AP2B1: variants seen among roughly 807,000 people sequenced by gnomAD.
AP2B1 encodes AP-2 complex subunit beta.
In AP2B1, 23 loss-of-function variants were observed where a neutral mutation model predicts 102.0. The observed-to-expected ratio is 0.23, with a 90% CI of 0.16 to 0.32. The LOEUF is 0.32. Ranked by LOEUF, AP2B1 falls within the 10% of genes least tolerant of loss-of-function variation. AP2B1 has a pLI of 1.00. For missense variants in AP2B1, 541 were observed against 1,157.4 expected, an observed-to-expected ratio of 0.47 and a Z score of 7.73; for synonymous variants, 381 against 421.2, an observed-to-expected ratio of 0.90 and a Z score of 1.17.
chr17:35,694,435 A>ATTTTTTTTTTTTT (rs2076101194), intron 18 of AP2B1, among the ~76,000 whole-genome samples: 6 of 80,002 alleles, frequency 7.5e-5, no homozygotes, highest in African/African-American at 1.3e-4. Context: ...TAATTTTTTA[A>ATTTTTTTTTTTTT]TTTTTTGTAG....
intron 9 of AP2B1, among the ~76,000 whole-genome samples, chr17:35,632,118 ATTTTG>A (rs2074479198): frequency 6.8e-6 from 1 of 146,176 alleles, no homozygotes; most frequent in Non-Finnish European, 1.5e-5. Context: ...TATGGCAATG[ATTTTG>A]TTTTATTTGT....
chr17:35,607,433 C>A (rs1220262152), intron 4 of AP2B1, among the ~76,000 whole-genome samples: 2 of 152,186 alleles, frequency 1.3e-5, no homozygotes, highest in Non-Finnish European at 2.9e-5. Context: ...GGGAATATAT[C>A]ATTGGGAAGA....
intron 18 of AP2B1, among the ~76,000 whole-genome samples, chr17:35,703,372 A>C (rs2076277820): frequency 2.0e-5 from 3 of 152,080 alleles, no homozygotes. Context: ...ATAAAGACAC[A>C]TGCACACCTA....
intron 21 of AP2B1, among the ~76,000 whole-genome samples, chr17:35,718,114 A>C (rs2085233436): frequency 6.6e-6 from 1 of 152,202 alleles, no homozygotes; most frequent in Admixed American, 6.5e-5. Context: ...GGATCTATTT[A>C]TTTCTGAGGA....
intron 14 of AP2B1, chr17:35,659,688 A>C (rs1326694962): frequency 2.0e-6 from 1 of 492,710 alleles, no homozygotes; most frequent in Admixed American, 6.4e-5. Flanking sequence ...AGATAGGCCC[A>C]GTTATGTTTT....
intron 21 of AP2B1, 137 bp from the exon 22 acceptor site, chr17:35,723,488 T>C: frequency 1.6e-6 from 1 of 619,998 alleles, no homozygotes; most frequent in Admixed American, 2.7e-5. Context: ...ATTAACATAA[T>C]CTCTTTGTTT....
intron 18 of AP2B1, among the ~76,000 whole-genome samples, chr17:35,698,156 G>A (rs1257761823): frequency 3.9e-5 from 6 of 152,158 alleles, no homozygotes; most frequent in Non-Finnish European, 1.5e-5. Context: ...GTTTACTTTG[G>A]TGGGAAATCG....
intron 16 of AP2B1, among the ~76,000 whole-genome samples, chr17:35,673,905 G>T (rs1210799535): frequency 6.6e-6 from 1 of 152,202 alleles, no homozygotes; most frequent in Non-Finnish European, 1.5e-5. Context: ...AGGTAGAGCA[G>T]AAGCCAGGGT....
chr17:35,654,759 T>G (rs2075175265), intron 13 of AP2B1, among the ~76,000 whole-genome samples: 1 of 152,152 alleles, frequency 6.6e-6, no homozygotes, highest in African/African-American at 2.4e-5. Context: ...TCCTTAAATG[T>G]TTGGAGGAAT....
chr17:35,660,051 C>G, intron 14 of AP2B1: 2 of 985,308 alleles, frequency 2.0e-6, no homozygotes, highest in Non-Finnish European at 2.4e-6. Context: ...TCCTCAAAGC[C>G]ATTTTTTGAA....
Position 35,690,250 on chromosome 17 carries a change from T to G in AP2B1, c.2454+7426T>G, listed in dbSNP as rs114813818. ...GTTAAACTAATCCAGAGCATTTTCATTTCAGATATTGTACTTTTTAATTCT... is the reference window on the plus strand; with the variant it reads ...GTTAAACTAATCCAGAGCATTTTCAGTTCAGATATTGTACTTTTTAATTCT... On this transcript the variant is annotated intron_variant, in intron 18 of 21. Transcript: ENST00000610402. Among the ~76,000 whole-genome samples, 710 of 152,346 alleles carry G rather than the reference T, an allele frequency of 4.7e-3. 1 individual carries two copies. Among genetic ancestry groups the G allele is most frequent in the African/African-American group, 0.016 (673 of 41,570 alleles).
rs2075850904 is a variant in AP2B1 at position 35,682,731 on chromosome 17, T to C, written c.2361T>C (p.His787=). ...GVIPSTPLAI[H]TPLMPNQSID... ...TCCCCAGCACTCCTCTGGCCATCCA[T>C]ACACCACTGATGCCAAACCAGAGCA... The change falls in exon 18 of 22, where the codon CAT becomes CAC. Residue 787 remains histidine, a synonymous_variant. Transcript: ENST00000610402. The C allele has an allele frequency of 1.2e-6, 2 of 1,612,664 alleles. No homozygotes were observed. Among genetic ancestry groups the C allele is most frequent in the Non-Finnish European group, 1.7e-6 (2 of 1,179,018 alleles).
chr17:35,684,485 A>G (rs2075890004), intron 18 of AP2B1, among the ~76,000 whole-genome samples: 1 of 152,200 alleles, frequency 6.6e-6, no homozygotes. Context: ...AAATACCAGC[A>G]CAGCAGGCCT....
chr17:35,675,920 T>A (rs1018732939), intron 17 of AP2B1, among the ~76,000 whole-genome samples: 18 of 152,228 alleles, frequency 1.2e-4, no homozygotes, highest in African/African-American at 4.3e-4. Context: ...ACTGTTTACT[T>A]TGTCTGAACA....
At position 35,710,309 on chromosome 17, in the gene AP2B1, A is replaced by G. The variant is rs1555586892; in HGVS notation, c.2615A>G (p.His872Arg). 3 of 1,605,628 alleles carry G rather than the reference A, an allele frequency of 1.9e-6. No homozygotes were observed. Among genetic ancestry groups the G allele is most frequent in the Admixed American group, 3.3e-5 (2 of 59,994 alleles). The change falls in exon 20 of 22, where the codon CAT (histidine) becomes CGT (arginine). Residue 872 changes from histidine (H) to arginine (R), a missense_variant. By Grantham distance (29) the His-to-Arg change is conservative. Coordinates refer to ENST00000610402, the MANE Select transcript of AP2B1 (RefSeq NM_001030006.2). ...CTTCAGTTTCAGATTAAGGAATGTC[A>G]TTTAAATGCTGGTGAGTAATATACT... ...NELQFQIKEC[H>R]LNADTVSSKL...
intron 1 of AP2B1, among the ~76,000 whole-genome samples, chr17:35,591,171 CAAAAAAAAAAAA>C (rs35271211): frequency 1.5e-5 from 1 of 68,936 alleles, no homozygotes; most frequent in Non-Finnish European, 3.0e-5. Context: ...GATTTTGTCT[CAAAAAAAAAAAA>C]AAAAAAAAAA....
intron 1 of AP2B1, among the ~76,000 whole-genome samples, chr17:35,589,050 T>C (rs534968546): frequency 1.1e-4 from 17 of 152,208 alleles, no homozygotes; most frequent in Non-Finnish European, 2.2e-4. Context: ...TTTAATGTTA[T>C]TTTGGTTAAG....
chr17:35,647,116 A>C (rs922192991), intron 12 of AP2B1, among the ~76,000 whole-genome samples: 1 of 152,200 alleles, frequency 6.6e-6, no homozygotes, highest in African/African-American at 2.4e-5. Context: ...TTATGTAATA[A>C]AAACCATACT....
chr17:35,711,641 T>C (rs182889257), intron 20 of AP2B1, among the ~76,000 whole-genome samples: 1 of 152,242 alleles, frequency 6.6e-6, no homozygotes, highest in East Asian at 1.9e-4. Flanking sequence ...GCTAATTTTT[T>C]TGTATTTTTT....
Sources: gnomAD v4.1 joint callset for allele counts (sites outside exome capture counted in the v4.1 genomes callset) on GRCh38, gnomAD v4.1.1 for gene constraint, MANE v1.5 for transcripts, NCBI Gene and HGNC (gene_info 2026-07-23, HGNC 2026-07-21) for gene names.